Variants in LRRIQ3 observed in about 807,000 individuals in gnomAD.
LRRIQ3 encodes the protein leucine-rich repeat and IQ domain-containing protein 3.
LRRIQ3 carries 75 observed loss-of-function variants against 59.3 expected under a neutral mutation model. That is an observed-to-expected ratio of 1.26 (90% CI 1.05 to 1.53). LRRIQ3 has a LOEUF of 1.53. Ranked by LOEUF, LRRIQ3 falls within the 40% of genes most tolerant of loss-of-function variation. The pLI, the probability that LRRIQ3 is intolerant of heterozygous loss-of-function variation, is 0.00. For missense variants in LRRIQ3, 831 were observed against 710.0 expected, an observed-to-expected ratio of 1.17 and a Z score of -1.94; for synonymous variants, 250 against 231.3, an observed-to-expected ratio of 1.08 and a Z score of -0.73.
At position 74,183,339 on chromosome 1, in the gene LRRIQ3, A is replaced by G. The variant is rs1233241543; in HGVS notation, c.249+97T>C. On this transcript the variant is annotated intron_variant, in intron 2 of 7. Transcript: ENST00000354431. ...TTTTTGTTTATATTTTAGACAAAAGACCATGTTGAAGAAATACTGTGGATA... is the reference window on the plus strand; with the variant it reads ...TTTTTGTTTATATTTTAGACAAAAGGCCATGTTGAAGAAATACTGTGGATA... 7 of 1,074,976 alleles carry G rather than the reference A, an allele frequency of 6.5e-6. No individual in the cohort carries two copies. The African/African-American group carries it at 1.1e-4, about 18-fold the overall frequency. 66.6% of individuals were successfully genotyped at this position (1,074,976 alleles called of 1,614,324 possible). A position where few individuals can be genotyped will look rare whatever the true frequency, so the allele number is the denominator to read the frequency against.
At chr1:74,123,196 T>C (rs961654883) in intron 4 of LRRIQ3, among the ~76,000 whole-genome samples, 2 of 152,142 alleles carry the variant, frequency 1.3e-5, no homozygotes, top group Middle Eastern at 3.4e-3. Context: ...TATATAGTTA[T>C]GGGGTACATG....
chr1:74,115,539 G>A (rs1400071657), intron 4 of LRRIQ3, among the ~76,000 whole-genome samples: 1 of 152,006 alleles, frequency 6.6e-6, no homozygotes, highest in Non-Finnish European at 1.5e-5. Context: ...AAAATAAAAT[G>A]GGGTGTTTGT....
intron 7 of LRRIQ3, among the ~76,000 whole-genome samples, chr1:74,036,197 A>T (rs914699806): frequency 1.3e-5 from 2 of 152,180 alleles, no homozygotes; most frequent in East Asian, 3.9e-4. Flanking sequence ...GCTGAAGGAA[A>T]CTGAGAAACT....
intron 5 of LRRIQ3, among the ~76,000 whole-genome samples, chr1:74,088,548 G>C (rs1297434019): frequency 6.6e-6 from 1 of 151,934 alleles, no homozygotes; most frequent in Non-Finnish European, 1.5e-5. Context: ...TCTGACAACA[G>C]TACCAAGATA....
intron 5 of LRRIQ3, among the ~76,000 whole-genome samples, chr1:74,086,208 C>T (rs1187715341): frequency 2.0e-5 from 3 of 152,050 alleles, no homozygotes; most frequent in African/African-American, 7.2e-5. Flanking sequence ...CAATGTTTCC[C>T]AGTTTCTTCA....
intron 6 of LRRIQ3, among the ~76,000 whole-genome samples, chr1:74,065,726 T>A (rs941291680): frequency 2.0e-5 from 3 of 152,122 alleles, no homozygotes; most frequent in African/African-American, 7.2e-5. Flanking sequence ...TATTTTTTAT[T>A]AAATATTAGC....
intron 6 of LRRIQ3, among the ~76,000 whole-genome samples, chr1:74,065,499 G>C (rs938317213): frequency 2.0e-5 from 3 of 152,172 alleles, no homozygotes; most frequent in Non-Finnish European, 2.9e-5. Context: ...AATTCATAAA[G>C]CTGAAGTTAT....
At chr1:74,138,533 G>T (rs1472306799) in intron 4 of LRRIQ3, 1 of 978,082 alleles carries the variant, frequency 1.0e-6, no homozygotes, top group Non-Finnish European at 1.2e-6. Flanking sequence ...GAAACAAAAG[G>T]AGAAAAACTG....
At chr1:74,054,604 G>A (rs1232012142) in intron 6 of LRRIQ3, among the ~76,000 whole-genome samples, 2 of 151,862 alleles carry the variant, frequency 1.3e-5, no homozygotes, top group East Asian at 3.9e-4. Context: ...TGTGGTGTGG[G>A]ATGTGGATAA....
intron 6 of LRRIQ3, among the ~76,000 whole-genome samples, chr1:74,071,063 T>A (rs1655013771): frequency 6.6e-6 from 1 of 150,664 alleles, no homozygotes; most frequent in African/African-American, 2.5e-5. Flanking sequence ...ACACATTATA[T>A]ATATAACTAT....
chr1:74,027,315 T>C (rs1653546025), intron 7 of LRRIQ3, among the ~76,000 whole-genome samples: 1 of 152,144 alleles, frequency 6.6e-6, no homozygotes, highest in East Asian at 1.9e-4. Context: ...CATTCCACCA[T>C]ATTCATATGT....
At chr1:74,169,423 A>G (rs1649188315) in intron 3 of LRRIQ3, among the ~76,000 whole-genome samples, 1 of 152,116 alleles carries the variant, frequency 6.6e-6, no homozygotes, top group Non-Finnish European at 1.5e-5. Flanking sequence ...TCTTATATAG[A>G]CCCAGAAGTA....
At chr1:74,162,160 A>T (rs1648696966) in intron 3 of LRRIQ3, among the ~76,000 whole-genome samples, 1 of 151,848 alleles carries the variant, frequency 6.6e-6, no homozygotes. Flanking sequence ...ACAGTTTTAT[A>T]GCAATACTTA....
intron 6 of LRRIQ3, among the ~76,000 whole-genome samples, chr1:74,067,667 T>C (rs1230867407): frequency 1.3e-5 from 2 of 152,086 alleles, no homozygotes; most frequent in African/African-American, 2.4e-5. Flanking sequence ...TGCTTTTTTT[T>C]CTTAATTTCT....
At position 74,107,150 on chromosome 1, in the gene LRRIQ3, T is replaced by G. The variant is rs147615161; in HGVS notation, c.867+2244A>C. On this transcript the variant is annotated intron_variant, in intron 5 of 7. Coordinates refer to ENST00000354431, the MANE Select transcript of LRRIQ3 (RefSeq NM_001105659.2). ...CTCACTCCTCTGTCTCTTCGCACTT[T>G]AGGTTCCATAGTTATGGGAATTATT... Among the ~76,000 whole-genome samples, 574 of 152,156 alleles carry G rather than the reference T, an allele frequency of 3.8e-3. 5 individuals carry two copies. The highest frequency in any genetic ancestry group is 0.013 in the African/African-American group (545 of 41,550).
chr1:74,152,706 A>T (rs571110500), intron 4 of LRRIQ3, among the ~76,000 whole-genome samples: 9 of 152,322 alleles, frequency 5.9e-5, no homozygotes, highest in African/African-American at 2.2e-4. Context: ...CAATGAATAC[A>T]TCTAGTTTCT....
intron 1 of LRRIQ3, among the ~76,000 whole-genome samples, chr1:74,191,864 T>C (rs1650787424): frequency 6.6e-6 from 1 of 152,058 alleles, no homozygotes; most frequent in Non-Finnish European, 1.5e-5. Flanking sequence ...AGCTGCCATT[T>C]CTAGAACTTG....
At chr1:74,126,955 G>T (rs1646944126) in intron 4 of LRRIQ3, among the ~76,000 whole-genome samples, 3 of 151,856 alleles carry the variant, frequency 2.0e-5, no homozygotes, top group Admixed American at 2.0e-4. Context: ...GGGTGCTGAG[G>T]TCTCCAGCTA....
chr1:74,056,571 T>C (rs1654542076), intron 6 of LRRIQ3, among the ~76,000 whole-genome samples: 1 of 152,166 alleles, frequency 6.6e-6, no homozygotes, highest in African/African-American at 2.4e-5. Context: ...AATACACCAA[T>C]AGTGAACTGT....
Sources: allele counts gnomAD v4.1 joint callset (sites outside exome capture counted in the v4.1 genomes callset), GRCh38; gene constraint gnomAD v4.1.1; transcripts MANE v1.5; gene names NCBI Gene and HGNC (gene_info 2026-07-23, HGNC 2026-07-21).